Variants in MAP3K13 observed in about 807,000 individuals in gnomAD.
MAP3K13 encodes mitogen-activated protein kinase kinase kinase 13.
A neutral mutation model predicts 104.0 loss-of-function variants in MAP3K13; 52 were observed. That is an observed-to-expected ratio of 0.50 (90% CI 0.40 to 0.63). The LOEUF (loss-of-function observed/expected upper bound fraction) is 0.63. MAP3K13 is among the 20% of genes least tolerant of loss of function. The pLI is 0.00. For synonymous variants in MAP3K13, 394 were observed against 442.2 expected, an observed-to-expected ratio of 0.89 and a Z score of 1.37; for missense variants, 914 against 1,218.5, an observed-to-expected ratio of 0.75 and a Z score of 3.72.
chr3:185,472,119 G>A (rs1004538506), intron 10 of MAP3K13, among the ~76,000 whole-genome samples: 4 of 151,700 alleles, frequency 2.6e-5, no homozygotes, highest in African/African-American at 9.7e-5. Flanking sequence ...ATTAGGGCAT[G>A]AGTAAGATGA....
At chr3:185,410,552 AC>A (rs1413396582) in intron 1 of MAP3K13, among the ~76,000 whole-genome samples, 1 of 152,182 alleles carries the variant, frequency 6.6e-6, no homozygotes, top group African/African-American at 2.4e-5. Context: ...TATGCTAATT[AC>A]CCCAATCTGC....
intron 7 of MAP3K13, among the ~76,000 whole-genome samples, chr3:185,454,907 G>C (rs1382542226): frequency 0.012 from 801 of 68,068 alleles, 5 homozygotes; most frequent in Non-Finnish European, 0.013. Flanking sequence ...ATATATATAT[G>C]ATATATATAT....
At chr3:185,289,225 T>C (rs189223719) in intron 2 of MAP3K13, among the ~76,000 whole-genome samples, 1 of 152,296 alleles carries the variant, frequency 6.6e-6, no homozygotes, top group East Asian at 1.9e-4. Flanking sequence ...AGTGAACTCC[T>C]GGTAATTAGG....
At chr3:185,321,849 C>G (rs770893617) in intron 2 of MAP3K13, among the ~76,000 whole-genome samples, 3 of 152,332 alleles carry the variant, frequency 2.0e-5, no homozygotes, top group Middle Eastern at 3.4e-3. Flanking sequence ...GGTGATCTGT[C>G]CACCTCAGCC....
At chr3:185,444,969 C>T (rs1715517791) in intron 4 of MAP3K13, among the ~76,000 whole-genome samples, 1 of 151,956 alleles carries the variant, frequency 6.6e-6, no homozygotes, top group Non-Finnish European at 1.5e-5. Context: ...GACCACAGAG[C>T]ACAACCCTGT....
chr3:185,480,247 C>T lies in MAP3K13; in HGVS notation c.2517C>T (p.Ile839=). The T allele has an allele frequency of 6.2e-7, 1 of 1,614,050 alleles. No individual in the cohort carries two copies. Among genetic ancestry groups the T allele is most frequent in the Non-Finnish European group, 8.5e-7 (1 of 1,179,984 alleles). Residue 839 remains isoleucine, a synonymous_variant, in exon 13 of 14, where the codon ATC becomes ATT. Coordinates refer to ENST00000265026, the MANE Select transcript of MAP3K13 (RefSeq NM_004721.5). The part of the protein sequence containing the change: ...FPRRQRPHRC[I]SSCQSYSTFS... ...TTGGTTCTAGGCCCCATCGCTGTAT[C>T]AGCAGCTGCCAGTCATATTCAACCT...
intron 2 of MAP3K13, among the ~76,000 whole-genome samples, chr3:185,355,650 A>C (rs1001844911): frequency 6.6e-6 from 1 of 152,104 alleles, no homozygotes; most frequent in South Asian, 2.1e-4. Context: ...AACCAACCAA[A>C]CAAACAAAAA....
In MAP3K13 at chr3:185,375,776, G is replaced by A. The variant is rs563409788; in HGVS notation, c.-86+12408G>A. 3.3e-5 allele frequency among the ~76,000 whole-genome samples: 5 copies of A among 152,260 alleles called. No homozygotes were observed. In the South Asian group the frequency reaches 1.0e-3, roughly 32 times the overall value. ...GACTCCATCTTTCTTTGGAAGTAAA[G>A]GGGCCTTGAGAAGAGTTTTTATTAA... is the stretch of plus-strand genomic sequence containing the variant. On this transcript the variant is annotated intron_variant, in intron 1 of 13. Transcript: ENST00000265026.
intron 7 of MAP3K13, among the ~76,000 whole-genome samples, chr3:185,461,657 G>A (rs1717111249): frequency 6.6e-6 from 1 of 151,970 alleles, no homozygotes; most frequent in Admixed American, 6.6e-5. Flanking sequence ...CTGCCTCCCG[G>A]GTTCAAGCGG....
intron 11 of MAP3K13, chr3:185,476,356 T>TAAAAAAAAAAAAAAAAAAAAAAA (rs200347621): frequency 7.7e-6 from 1 of 129,476 alleles, no homozygotes; most frequent in Non-Finnish European, 1.6e-5. Context: ...TTTCCTATTT[T>TAAAAAAAAAAAAAAAAAAAAAAA]AAAAAAAAAA....
intron 10 of MAP3K13, among the ~76,000 whole-genome samples, chr3:185,469,504 C>G (rs1717649207): frequency 6.6e-6 from 1 of 152,238 alleles, no homozygotes; most frequent in Admixed American, 6.5e-5. Context: ...AATTGGCCAG[C>G]TGACCACAGA....
intron 3 of MAP3K13, among the ~76,000 whole-genome samples, chr3:185,438,028 C>A (rs868202523): frequency 7.2e-5 from 11 of 152,278 alleles, no homozygotes; most frequent in Non-Finnish European, 1.3e-4. Flanking sequence ...CGCAGTGGCT[C>A]ATGTCTGTAA....
At chr3:185,474,673 A>G (rs1423694369) in intron 11 of MAP3K13, among the ~76,000 whole-genome samples, 3 of 152,160 alleles carry the variant, frequency 2.0e-5, no homozygotes, top group Admixed American at 2.0e-4. Context: ...CGTGACCCAG[A>G]TAGTTCTTAA....
chr3:185,336,801 T>G (rs1722522577), intron 2 of MAP3K13, among the ~76,000 whole-genome samples: 1 of 151,834 alleles, frequency 6.6e-6, no homozygotes, highest in Admixed American at 6.6e-5. Context: ...AAAAAATTAT[T>G]GCCCTCCCCT....
intron 1 of MAP3K13, among the ~76,000 whole-genome samples, chr3:185,371,773 C>T (rs980093246): frequency 2.1e-4 from 32 of 152,112 alleles, no homozygotes; most frequent in African/African-American, 7.7e-4. Flanking sequence ...GGATCTGGGA[C>T]TCAGACTGAA....
At chr3:185,417,158 CTT>C (rs889909966) in intron 1 of MAP3K13, among the ~76,000 whole-genome samples, 13 of 152,096 alleles carry the variant, frequency 8.5e-5, no homozygotes, top group African/African-American at 3.1e-4. Flanking sequence ...CAGGGACCAA[CTT>C]AAGTTCATAG....
intron 1 of MAP3K13, among the ~76,000 whole-genome samples, chr3:185,374,228 G>A (rs1477497034): frequency 6.6e-6 from 1 of 152,060 alleles, no homozygotes; most frequent in African/African-American, 2.4e-5. Context: ...TAGGCTCAGA[G>A]GCCTGACATT....
chr3:185,454,987 A>ATATATATAT (rs1377032615), intron 7 of MAP3K13, among the ~76,000 whole-genome samples: 11 of 50,936 alleles, frequency 2.2e-4, no homozygotes. Flanking sequence ...GATATATATG[A>ATATATATAT]GATATATATG....
chr3:185,417,554 G>A (rs1407611364), intron 1 of MAP3K13: 14 of 1,611,152 alleles, frequency 8.7e-6, no homozygotes, highest in Non-Finnish European at 1.0e-5. Context: ...TTCTTTTCAG[G>A]GGCTGGTTTC....
Sources: allele counts gnomAD v4.1 joint callset (sites outside exome capture counted in the v4.1 genomes callset), GRCh38; gene constraint gnomAD v4.1.1; transcripts MANE v1.5; gene names NCBI Gene and HGNC (gene_info 2026-07-23, HGNC 2026-07-21).